The following PTPRD variants were observed in gnomAD, a reference collection of about 807,000 sequenced individuals.
The protein encoded by PTPRD is receptor-type tyrosine-protein phosphatase delta.
Under a neutral mutation model 214.5 loss-of-function variants are expected in PTPRD, and 34 were observed. That is an observed-to-expected ratio of 0.16 (90% CI 0.12 to 0.21). PTPRD has a LOEUF of 0.21. Among genes scored for constraint, PTPRD ranks in the 10% least tolerant of loss-of-function variants. The probability of loss-of-function intolerance (pLI) is 1.00; values close to 1 mark genes in which losing one functional copy is unlikely to be tolerated. For synonymous variants in PTPRD, 1,128 were observed against 845.7 expected (o/e 1.33, Z -5.79); for missense variants, 2,545 against 2,398.7 (o/e 1.06, Z -1.27).
chr9:9,025,675 G>A (rs538187584), intron 10 of PTPRD, among the ~76,000 whole-genome samples: 4 of 152,018 alleles, frequency 2.6e-5, no homozygotes, highest in African/African-American at 9.6e-5. Context: ...GAGCGGGTAA[G>A]GAAGATATTG....
intron 11 of PTPRD, among the ~76,000 whole-genome samples, chr9:9,008,205 TTTTATTTA>T (rs71317392): frequency 1.6e-3 from 194 of 121,216 alleles, no homozygotes; most frequent in Admixed American, 3.3e-3. Context: ...CTCCCCTTCA[TTTTATTTA>T]TTTATTTATT....
At chr9:9,472,206 T>C (rs2094646231) in intron 8 of PTPRD, among the ~76,000 whole-genome samples, 3 of 109,168 alleles carry the variant, frequency 2.7e-5, no homozygotes, top group African/African-American at 7.0e-5. Flanking sequence ...TTTTTTTTTT[T>C]CTTTTTTTGA....
At chr9:10,580,361 T>TA (rs1355440994) in intron 2 of PTPRD, among the ~76,000 whole-genome samples, 2 of 152,196 alleles carry the variant, frequency 1.3e-5, no homozygotes, top group Non-Finnish European at 2.9e-5. Flanking sequence ...CAATCAACAG[T>TA]ATATAAACCT....
At chr9:9,056,690 T>C (rs1281687918) in intron 10 of PTPRD, among the ~76,000 whole-genome samples, 3 of 152,236 alleles carry the variant, frequency 2.0e-5, no homozygotes, top group Non-Finnish European at 4.4e-5. Context: ...GTTGTGCTTA[T>C]AAGCCATTCA....
chr9:8,880,346 A>C (rs1369392797), intron 11 of PTPRD, among the ~76,000 whole-genome samples: 2 of 152,180 alleles, frequency 1.3e-5, no homozygotes, highest in Non-Finnish European at 2.9e-5. Flanking sequence ...CTTCAATGCT[A>C]GGTCTGGCGC....
At chr9:10,353,553 T>C (rs765894444) in intron 2 of PTPRD, among the ~76,000 whole-genome samples, 6 of 151,932 alleles carry the variant, frequency 3.9e-5, no homozygotes, top group African/African-American at 9.7e-5. Context: ...TTTGGAGGTA[T>C]AGAGAGGATG....
At chr9:8,625,809 G>C (rs1334764241) in intron 14 of PTPRD, among the ~76,000 whole-genome samples, 1 of 151,262 alleles carries the variant, frequency 6.6e-6, no homozygotes, top group Non-Finnish European at 1.5e-5. Flanking sequence ...AGCTCATTTT[G>C]GAAGATGACA....
At chr9:9,359,828 TG>T (rs2055318143) in intron 9 of PTPRD, among the ~76,000 whole-genome samples, 1 of 151,296 alleles carries the variant, frequency 6.6e-6, no homozygotes, top group African/African-American at 2.4e-5. Context: ...GCCTGCTGCG[TG>T]GAGGCAATAT....
intron 12 of PTPRD, among the ~76,000 whole-genome samples, chr9:8,639,554 G>A (rs553788798): frequency 6.6e-6 from 1 of 152,274 alleles, no homozygotes; most frequent in Admixed American, 6.5e-5. Flanking sequence ...AAATGAGTGT[G>A]CACTATATTA....
intron 9 of PTPRD, among the ~76,000 whole-genome samples, chr9:9,184,460 G>C (rs2099930153): frequency 1.3e-5 from 2 of 152,110 alleles, no homozygotes; most frequent in South Asian, 2.1e-4. Context: ...AAAAGAACAT[G>C]ATTCTCCAGC....
intron 7 of PTPRD, among the ~76,000 whole-genome samples, chr9:9,592,355 CAAAAT>C (rs1427643986): frequency 6.6e-6 from 1 of 151,846 alleles, no homozygotes; most frequent in Admixed American, 6.6e-5. Flanking sequence ...TCAAACAAAA[CAAAAT>C]ATAGAACACA....
chr9:9,960,591 G>T (rs964494156), intron 4 of PTPRD, among the ~76,000 whole-genome samples: 1 of 152,034 alleles, frequency 6.6e-6, no homozygotes, highest in Non-Finnish European at 1.5e-5. Flanking sequence ...GATGAAAATG[G>T]TACTTGACCT....
intron 3 of PTPRD, among the ~76,000 whole-genome samples, chr9:10,073,588 A>T (rs2098075770): frequency 6.6e-6 from 1 of 152,094 alleles, no homozygotes; most frequent in Non-Finnish European, 1.5e-5. Context: ...CCAAAGCTGA[A>T]AGATGGCAGT....
intron 10 of PTPRD, among the ~76,000 whole-genome samples, chr9:9,164,006 T>A (rs2099896168): frequency 1.3e-5 from 2 of 152,218 alleles, no homozygotes; most frequent in Admixed American, 1.3e-4. Flanking sequence ...TACTGAAATA[T>A]GACTTCAACA....
At chr9:9,839,697 A>T (rs994114255) in intron 5 of PTPRD, among the ~76,000 whole-genome samples, 5 of 152,002 alleles carry the variant, frequency 3.3e-5, no homozygotes, top group Admixed American at 6.6e-5. Flanking sequence ...AATTGGAAAA[A>T]ACGACTTTAA....
At chr9:9,853,385 C>T (rs2060912147) in intron 5 of PTPRD, among the ~76,000 whole-genome samples, 1 of 152,152 alleles carries the variant, frequency 6.6e-6, no homozygotes, top group African/African-American at 2.4e-5. Flanking sequence ...TGTAGAACAA[C>T]ATTCTTGTTT....
chr9:8,979,386 T>C (rs948181445), intron 11 of PTPRD, among the ~76,000 whole-genome samples: 1 of 152,010 alleles, frequency 6.6e-6, no homozygotes, highest in Non-Finnish European at 1.5e-5. Context: ...CAAAAATAAA[T>C]GAAACTACAT....
chr9:9,437,975 G>C (rs1055571630), intron 8 of PTPRD, among the ~76,000 whole-genome samples: 2 of 152,160 alleles, frequency 1.3e-5, no homozygotes, highest in Admixed American at 6.5e-5. Context: ...TGCAGAGTTG[G>C]TTCCTTGCGA....
chr9:8,460,373 G>T, intron 33 of PTPRD, 38 bp downstream of exon 33: 1 of 1,606,140 alleles, frequency 6.2e-7, no homozygotes. Flanking sequence ...AAATAAGGCA[G>T]CCTCCAAAAT....
Sources: gnomAD v4.1 joint callset for allele counts (sites outside exome capture counted in the v4.1 genomes callset) on GRCh38, gnomAD v4.1.1 for gene constraint, MANE v1.5 for transcripts, NCBI Gene and HGNC (gene_info 2026-07-23, HGNC 2026-07-21) for gene names.